Variants in PCDH9 observed in about 807,000 individuals in gnomAD.
PCDH9 encodes the protein protocadherin-9.
PCDH9 carries 24 observed loss-of-function variants against 70.6 expected under a neutral mutation model. The observed-to-expected ratio is 0.34, with a 90% CI of 0.25 to 0.48. The LOEUF (loss-of-function observed/expected upper bound fraction) is 0.48. Among genes scored for constraint, PCDH9 ranks in the 20% least tolerant of loss-of-function variants. PCDH9 has a pLI of 0.99. For missense variants in PCDH9, 1,281 were observed against 1,503.6 expected (o/e 0.85, Z 2.45); for synonymous variants, 562 against 558.5 (o/e 1.01, Z -0.09).
At chr13:66,396,642 GCAGTGGGA>G (rs1421974456) in intron 4 of PCDH9, among the ~76,000 whole-genome samples, 6 of 152,186 alleles carry the variant, frequency 3.9e-5, no homozygotes, top group African/African-American at 1.4e-4. Context: ...CAGCTCTGTT[GCAGTGGGA>G]CATGGGATAT....
At chr13:66,473,001 CCTT>C (rs1958648217) in intron 4 of PCDH9, among the ~76,000 whole-genome samples, 2 of 126,938 alleles carry the variant, frequency 1.6e-5, no homozygotes, top group South Asian at 4.9e-4. Context: ...ACATGTAAAA[CCTT>C]CTTATATTAT....
chr13:66,452,946 CCATCCATCCACT>C (rs1241560028), intron 4 of PCDH9, among the ~76,000 whole-genome samples: 1 of 152,056 alleles, frequency 6.6e-6, no homozygotes, highest in Non-Finnish European at 1.5e-5. Context: ...ATCCATCCAT[CCATCCATCCACT>C]CATCCATCCA....
At chr13:67,058,087 T>A (rs1404274620) in intron 2 of PCDH9, among the ~76,000 whole-genome samples, 1 of 152,190 alleles carries the variant, frequency 6.6e-6, no homozygotes, top group African/African-American at 2.4e-5. Flanking sequence ...CGTTATATTA[T>A]CTGATATTTT....
At chr13:66,636,033 G>C (rs2077632407) in intron 3 of PCDH9, among the ~76,000 whole-genome samples, 1 of 152,068 alleles carries the variant, frequency 6.6e-6, no homozygotes, top group African/African-American at 2.4e-5. Context: ...TAAAAATCAA[G>C]TTAGTAAATA....
chr13:67,080,853 C>T (rs1014941887), intron 2 of PCDH9, among the ~76,000 whole-genome samples: 2 of 152,078 alleles, frequency 1.3e-5, no homozygotes, highest in African/African-American at 4.8e-5. Flanking sequence ...ATGAAGTATA[C>T]ATGTATTACC....
chr13:66,992,120 T>A (rs113658388), intron 2 of PCDH9, among the ~76,000 whole-genome samples: 1 of 152,172 alleles, frequency 6.6e-6, no homozygotes, highest in Non-Finnish European at 1.5e-5. Context: ...CTCTACATAA[T>A]GTTTTATGAC....
At chr13:66,528,595 G>A (rs933632652) in intron 4 of PCDH9, among the ~76,000 whole-genome samples, 2 of 152,200 alleles carry the variant, frequency 1.3e-5, no homozygotes, top group Non-Finnish European at 2.9e-5. Context: ...ATTACTGTGT[G>A]GAATATCATT....
intron 4 of PCDH9, among the ~76,000 whole-genome samples, chr13:66,353,401 T>TA (rs953148950): frequency 6.6e-6 from 1 of 152,150 alleles, no homozygotes; most frequent in African/African-American, 2.4e-5. Context: ...TCAACTTAGA[T>TA]AAAAAACTTC....
chr13:66,983,815 TTTG>T (rs1178447104), intron 2 of PCDH9, among the ~76,000 whole-genome samples: 29 of 151,850 alleles, frequency 1.9e-4, no homozygotes, highest in African/African-American at 6.8e-4. Flanking sequence ...AATCGTTTTT[TTTG>T]TTTTTTTTTG....
At chr13:66,657,087 C>G (rs1039645604) in intron 3 of PCDH9, among the ~76,000 whole-genome samples, 1 of 152,104 alleles carries the variant, frequency 6.6e-6, no homozygotes. Context: ...ACCAGGCAAT[C>G]TATGTTAGAA....
chr13:66,609,728 A>G (rs1260857144), intron 4 of PCDH9, among the ~76,000 whole-genome samples: 2 of 152,064 alleles, frequency 1.3e-5, no homozygotes, highest in East Asian at 3.9e-4. Flanking sequence ...AAAGGTATTT[A>G]ATTTTGAGAA....
intron 2 of PCDH9, chr13:67,203,568 A>G (rs1334125086): frequency 6.6e-6 from 1 of 152,140 alleles, no homozygotes; most frequent in Non-Finnish European, 1.5e-5. Context: ...GTGATACCAA[A>G]TAAGTCATTT....
chr13:66,427,387 G>A (rs997991068), intron 4 of PCDH9, among the ~76,000 whole-genome samples: 1 of 151,562 alleles, frequency 6.6e-6, no homozygotes, highest in Admixed American at 6.6e-5. Context: ...TTATTTCATT[G>A]TTTGCGTTTA....
At chr13:66,676,640 C>T (rs1258978082) in intron 3 of PCDH9, among the ~76,000 whole-genome samples, 1 of 152,086 alleles carries the variant, frequency 6.6e-6, no homozygotes, top group Non-Finnish European at 1.5e-5. Flanking sequence ...TATATCGTCA[C>T]TTCTCTTTAA....
intron 3 of PCDH9, among the ~76,000 whole-genome samples, chr13:66,863,430 C>A (rs183353042): frequency 2.0e-5 from 3 of 152,062 alleles, no homozygotes; most frequent in African/African-American, 7.2e-5. Context: ...TTAAATAAAA[C>A]GTATGATTAA....
intron 2 of PCDH9, among the ~76,000 whole-genome samples, chr13:67,163,516 T>A (rs1332385712): frequency 6.6e-6 from 1 of 152,230 alleles, no homozygotes; most frequent in Non-Finnish European, 1.5e-5. Flanking sequence ...TAAGGTCACA[T>A]AAAAACATTA....
chr13:66,890,389 CCTT>C (rs113239606), intron 3 of PCDH9, among the ~76,000 whole-genome samples: 2,875 of 151,494 alleles, frequency 0.019, 79 homozygotes, highest in African/African-American at 0.062. Flanking sequence ...ACACTCTTAA[CCTT>C]CTGCTTAGCT....
intron 2 of PCDH9, chr13:67,205,765 A>G (rs1313366722): frequency 6.6e-6 from 1 of 152,028 alleles, no homozygotes; most frequent in Non-Finnish European, 1.5e-5. Flanking sequence ...CTTTAAATGG[A>G]CCTCCAATTA....
rs76095509 is a variant in PCDH9, at chr13:66,902,317, G to T, written c.3138+1187C>A. Among the ~76,000 whole-genome samples the T allele has an allele frequency of 6.4e-3, 967 of 151,698 alleles. 10 individuals are homozygous for T. Among genetic ancestry groups the T allele is most frequent in the African/African-American group, 0.022 (926 of 41,508 alleles). On this transcript the variant is annotated intron_variant, in intron 3 of 4. Transcript: ENST00000377865. The stretch of plus-strand genomic sequence containing the variant: ...AGAGAATTAGGGGATAGAGCTGTTC[G>T]AAATATTGCTCAATCCTCTTTCAAC...
Sources: allele counts gnomAD v4.1 joint callset (sites outside exome capture counted in the v4.1 genomes callset), GRCh38; gene constraint gnomAD v4.1.1; transcripts MANE v1.5; gene names NCBI Gene and HGNC (gene_info 2026-07-23, HGNC 2026-07-21).